The following USH1C variants were observed in gnomAD, a reference collection of about 807,000 sequenced individuals.
The protein encoded by USH1C is USH1 protein network component harmonin, also known as harmonin.
Under a neutral mutation model 119.3 loss-of-function variants are expected in USH1C, and 90 were observed. The ratio of observed to expected loss-of-function variants is 0.75; its 90% CI spans 0.64 to 0.90. The LOEUF is 0.90. Ranked by LOEUF, USH1C falls within the 40% of genes least tolerant of loss-of-function variation. USH1C has a pLI of 0.00. For missense variants in USH1C, 1,165 were observed against 1,167.7 expected (o/e 1.00, Z 0.03); for synonymous variants, 465 against 443.3 (o/e 1.05, Z -0.62).
chr11:17,521,468 C>G, intron 12 of USH1C, 57 bp from the exon 13 acceptor site: 2 of 1,553,922 alleles, frequency 1.3e-6, no homozygotes, highest in African/African-American at 2.7e-5. Flanking sequence ...ATGAACTCTT[C>G]CTTACTGTGA....
Position 17,533,405 on chromosome 11 carries a change from A to G in USH1C, c.37-83T>C, listed in dbSNP as rs1592028530. The G allele has an allele frequency of 3.1e-6, 3 of 954,584 alleles. No homozygotes were observed. In the East Asian group the frequency reaches 8.2e-5, roughly 26 times the overall value. 59.1% of individuals were successfully genotyped at this position (954,584 alleles called of 1,614,324 possible). A position where few individuals can be genotyped will look rare whatever the true frequency, so the allele number is the denominator to read the frequency against. On this transcript the variant is annotated intron_variant, in intron 1 of 26. Transcript: ENST00000005226. ...ACCTCAGGGAGGAGAGGTCATCCCC[A>G]AGGGCCTCCCCAGCAGCTTTTCAGG...
intron 18 of USH1C, among the ~76,000 whole-genome samples, chr11:17,508,448 G>A (rs374425580): frequency 2.0e-5 from 3 of 152,274 alleles, no homozygotes; most frequent in African/African-American, 7.2e-5. Flanking sequence ...CCACTGGTCA[G>A]GTGCTATTGA....
At chr11:17,532,110 T>A (rs1851015269) in intron 2 of USH1C, among the ~76,000 whole-genome samples, 1 of 152,176 alleles carries the variant, frequency 6.6e-6, no homozygotes, top group Admixed American at 6.5e-5. Context: ...AGGCCCTCCA[T>A]GACCTGTCCC....
At chr11:17,495,431 C>G in intron 26 of USH1C, 138 bp downstream of exon 26, 1 of 903,026 alleles carries the variant, frequency 1.1e-6, no homozygotes, top group Admixed American at 1.7e-5. Context: ...AACAGCAGGC[C>G]CCAGGCAGCA....
chr11:17,502,498 A>C (rs1284702582), intron 20 of USH1C, among the ~76,000 whole-genome samples: 1 of 152,258 alleles, frequency 6.6e-6, no homozygotes, highest in African/African-American at 2.4e-5. Context: ...GCCCACGGAC[A>C]ACAAGAAGAA....
At chr11:17,510,089 C>T (rs2133820900) in intron 17 of USH1C, among the ~76,000 whole-genome samples, 1 of 152,278 alleles carries the variant, frequency 6.6e-6, no homozygotes, top group Non-Finnish European at 1.5e-5. Context: ...AAGGTGTTCA[C>T]AGAGTTCATT....
At chr11:17,511,764 TG>T in intron 16 of USH1C, 137 bp downstream of exon 16, 1 of 1,008,746 alleles carries the variant, frequency 9.9e-7, no homozygotes. Flanking sequence ...CTCTCCAGGC[TG>T]GGGAGCAGGA....
Position 17,527,037 on chromosome 11 carries a change from ATG to A in USH1C, c.498_499del (p.Ile167ArgfsTer10), listed in dbSNP as rs1850715505. 6.4e-7 allele frequency: 1 copy of A among 1,556,208 alleles called. No homozygotes were observed. Among genetic ancestry groups the A allele is most frequent in the African/African-American group, 1.4e-5 (1 of 73,334 alleles). On this transcript the variant is annotated frameshift_variant and splice_region_variant, in exon 6 of 27. Coordinates refer to ENST00000005226, the MANE Select transcript of USH1C (RefSeq NM_153676.4). LOFTEE classifies it high-confidence loss of function. ...TCACCTTTTCACGGGGATCAGGCCG[ATG>A]TCTGCGGGAGAAAGGCACAGGGGTT... is the stretch of plus-strand genomic sequence containing the variant.
chr11:17,511,252 G>A (rs1430391910), intron 16 of USH1C, among the ~76,000 whole-genome samples: 1 of 152,026 alleles, frequency 6.6e-6, no homozygotes, highest in Non-Finnish European at 1.5e-5. Flanking sequence ...CTGATAGCCT[G>A]ATTAATTGGG....
chr11:17,523,378 G>A, intron 10 of USH1C, 41 bp downstream of exon 10: 3 of 1,613,848 alleles, frequency 1.9e-6, no homozygotes, highest in Non-Finnish European at 1.7e-6. Context: ...GTGGGGTGTG[G>A]AGATGACAAG....
intron 23 of USH1C, among the ~76,000 whole-genome samples, 158 bp downstream of exon 23, chr11:17,500,893 C>T (rs977189600): frequency 7.9e-5 from 12 of 152,220 alleles, no homozygotes; most frequent in Admixed American, 2.0e-4. Context: ...CCCATGCCCC[C>T]AGGGATTGGA....
intron 1 of USH1C, among the ~76,000 whole-genome samples, chr11:17,540,021 G>A (rs1176551591): frequency 6.6e-6 from 1 of 151,660 alleles, no homozygotes; most frequent in Non-Finnish European, 1.5e-5. Flanking sequence ...TTGTAGAGAT[G>A]GGGTCTCGCT....
chr11:17,517,473 A>ATC (rs1303881378), intron 14 of USH1C: 2 of 1,591,026 alleles, frequency 1.3e-6, no homozygotes, highest in East Asian at 4.5e-5. Context: ...CTCCCTGATC[A>ATC]TCTACCCAGG....
chr11:17,526,641 T>A, intron 7 of USH1C, 112 bp downstream of exon 7: 1 of 1,300,912 alleles, frequency 7.7e-7, no homozygotes, highest in Non-Finnish European at 1.1e-6. Flanking sequence ...CCTGGGAGCC[T>A]GTGTGAAGCC....
At chr11:17,500,838 C>T (rs771307396) in intron 23 of USH1C, among the ~76,000 whole-genome samples, 8 of 152,188 alleles carry the variant, frequency 5.3e-5, no homozygotes, top group Non-Finnish European at 8.8e-5. Flanking sequence ...CCTGAGGGCA[C>T]GGTGGCATCT....
chr11:17,502,150 C>A (rs1440771522), intron 20 of USH1C, 170 bp from the exon 21 acceptor site: 3 of 602,278 alleles, frequency 5.0e-6, no homozygotes, highest in Non-Finnish European at 8.8e-6. Context: ...GCCCTAGCAG[C>A]CAGGGCACCC....
chr11:17,526,649 G>A, intron 7 of USH1C, 104 bp downstream of exon 7: 1 of 1,345,504 alleles, frequency 7.4e-7, no homozygotes, highest in East Asian at 2.4e-5. Flanking sequence ...CCTGTGTGAA[G>A]CCCCTGAGGG....
At position 17,544,332 on chromosome 11, in the gene USH1C, G is replaced by C. The variant is rs371621268; in HGVS notation, c.-25C>G. 310 of 1,613,884 alleles carry C rather than the reference G, an allele frequency of 1.9e-4. No homozygotes were observed. Among genetic ancestry groups the C allele is most frequent in the African/African-American group, 1.1e-3 (86 of 75,062 alleles). On this transcript the variant is annotated 5_prime_UTR_variant, in exon 1 of 27. Coordinates refer to ENST00000005226, the MANE Select transcript of USH1C (RefSeq NM_153676.4). ...TGGCTGGGCCAGGTCCAGCTGCGTC[G>C]TTGCACGACCCGTTCCTTCGGGTGC...
At chr11:17,535,591 C>T (rs192761125) in intron 1 of USH1C, among the ~76,000 whole-genome samples, 193 of 152,278 alleles carry the variant, frequency 1.3e-3, no homozygotes, top group Non-Finnish European at 2.4e-3. Flanking sequence ...GTGCCCAACA[C>T]ATAATAAGCT....
Sources: gnomAD v4.1 joint callset for allele counts (sites outside exome capture counted in the v4.1 genomes callset) on GRCh38, gnomAD v4.1.1 for gene constraint, MANE v1.5 for transcripts, NCBI Gene and HGNC (gene_info 2026-07-23, HGNC 2026-07-21) for gene names.